Variants in DNAH10 observed in about 807,000 individuals in gnomAD.
The protein encoded by DNAH10 is dynein axonemal heavy chain 10, also known as axonemal beta dynein heavy chain 10.
DNAH10 carries 348 observed loss-of-function variants against 506.6 expected under a neutral mutation model. The observed-to-expected ratio is 0.69, with a 90% CI of 0.63 to 0.75. The LOEUF (loss-of-function observed/expected upper bound fraction) is 0.75. Among genes scored for constraint, DNAH10 ranks in the 30% least tolerant of loss-of-function variants. The pLI is 0.00. For synonymous variants in DNAH10, 2,059 were observed against 2,198.6 expected (o/e 0.94, Z 1.78); for missense variants, 5,179 against 5,787.1 (o/e 0.89, Z 3.41).
At chr12:123,766,728 TG>T (rs531467923) in intron 1 of DNAH10, among the ~76,000 whole-genome samples, 54 of 152,282 alleles carry the variant, frequency 3.5e-4, no homozygotes, top group Middle Eastern at 3.4e-3. Context: ...CCACAGCCAG[TG>T]GTGGTGGATG....
Position 123,929,198 on chromosome 12 carries a change from G to C in DNAH10, c.12307-77G>C, listed in dbSNP as rs117011659. On this transcript the variant is annotated intron_variant, in intron 70 of 78. Transcript: ENST00000673944. ...CTCCGTAGAGAGGAAGGAAAGCGCA[G>C]TGCCTGCATTGTGCACACTCTTCCA... 12,007 of 1,431,698 alleles carry C rather than the reference G, an allele frequency of 8.4e-3. 89 individuals are homozygous for C. The highest frequency in any genetic ancestry group is 0.019 in the South Asian group (1,524 of 81,172). The allele number at this position is 1,431,698 out of a possible 1,614,324, so 88.7% of individuals were successfully genotyped here. A position where few individuals can be genotyped will look rare whatever the true frequency, so the allele number is the denominator to read the frequency against.
At chr12:123,797,574 G>T (rs966639448) in intron 13 of DNAH10, among the ~76,000 whole-genome samples, 8 of 151,806 alleles carry the variant, frequency 5.3e-5, no homozygotes, top group Non-Finnish European at 1.0e-4. Flanking sequence ...TGTATTTTTT[G>T]TAGAGATGAG....
Position 123,913,364 on chromosome 12 carries a change from A to T in DNAH10, c.10352+49A>T. 2.0e-6 allele frequency: 3 copies of T among 1,501,522 alleles called. No individual in the cohort carries two copies. Among genetic ancestry groups the T allele is most frequent in the Non-Finnish European group, 2.7e-6 (3 of 1,119,798 alleles). 93.0% of individuals were successfully genotyped at this position (1,501,522 alleles called of 1,614,324 possible). A position where few individuals can be genotyped will look rare whatever the true frequency, so the allele number is the denominator to read the frequency against. The stretch of plus-strand genomic sequence containing the variant: ...CTGTTGCGGTTTGTAAACGGACGTC[A>T]CCCACAGAGTTTCTCGCCATGTTGA... On this transcript the variant is annotated intron_variant, in intron 60 of 78. Coordinates refer to ENST00000673944, the MANE Select transcript of DNAH10 (RefSeq NM_001372106.1). This position sits in a 1 kb window ranked among gnomAD's most constrained non-coding sequence, Gnocchi z 5.1.
intron 39 of DNAH10, among the ~76,000 whole-genome samples, chr12:123,863,341 C>T (rs1288506792): frequency 6.6e-6 from 1 of 152,172 alleles, no homozygotes; most frequent in Non-Finnish European, 1.5e-5. Flanking sequence ...CTCAGATGCT[C>T]CCAGGGACCC....
rs1196905738 is a variant in DNAH10, at chr12:123,917,484, G to A, written c.11003-100G>A. 5.6e-6 allele frequency: 7 copies of A among 1,257,406 alleles called. No homozygotes were observed. 77.9% of individuals were successfully genotyped at this position (1,257,406 alleles called of 1,614,324 possible). ...TGAATCCTCGTGCCTCTGGCCTGCT[G>A]GCTGAGACCCGCGCTAAGCTTGTCC... is the stretch of plus-strand genomic sequence containing the variant. On this transcript the variant is annotated intron_variant, in intron 63 of 78. Transcript: ENST00000673944. The surrounding 1 kb of genome is among the most constrained non-coding windows in gnomAD (Gnocchi z 5.6).
At chr12:123,899,428 C>T (rs1210418814) in intron 56 of DNAH10, among the ~76,000 whole-genome samples, 1 of 152,166 alleles carries the variant, frequency 6.6e-6, no homozygotes, top group African/African-American at 2.4e-5. Flanking sequence ...GCAGATGCCG[C>T]TCAACCTGCC....
intron 1 of DNAH10, among the ~76,000 whole-genome samples, chr12:123,765,940 AATCT>A (rs1957028093): frequency 6.6e-6 from 1 of 151,508 alleles, no homozygotes; most frequent in African/African-American, 2.4e-5. Flanking sequence ...CCAACTGACC[AATCT>A]GTGTGTCTGT....
At position 123,864,710 on chromosome 12, in the gene DNAH10, C is replaced by T. The variant is rs777057838; in HGVS notation, c.7024C>T (p.His2342Tyr). The T allele has an allele frequency of 5.0e-6, 8 of 1,613,866 alleles. No individual in the cohort carries two copies. The Admixed American group carries it at 1.3e-4, about 27-fold the overall frequency. ...CGGGGAACGCATCCGGCTCCAAGCA[C>T]ACTGTGCCCTGCTCTTTGAGGCAAG... ...ANGERIRLQA[H>Y]CALLFEVGDL... The change falls in exon 40 of 79, where the codon CAC (histidine) becomes TAC (tyrosine). Residue 2342 changes from histidine (H) to tyrosine (Y), a missense_variant. His to Tyr is a moderately conservative substitution (Grantham distance 83). Around this residue, in one of 3 missense-constraint regions of DNAH10, gnomAD observed 4,844 missense variants for 5,430.5 expected, o/e 0.89. Coordinates refer to ENST00000673944, the MANE Select transcript of DNAH10 (RefSeq NM_001372106.1).
rs1370331862 is a variant in DNAH10, at chr12:123,848,074, T to C, written c.5928T>C (p.Cys1976=). 8 of 1,613,792 alleles carry C rather than the reference T, an allele frequency of 5.0e-6. No homozygotes were observed. The highest frequency in any genetic ancestry group is 6.8e-6 in the Non-Finnish European group (8 of 1,179,750). ...ALGLLCVVTN[C]GEGMDYRAVG... ...GCTTGCTCTGTGTTGTCACCAACTG[T>C]GGCGAAGGCATGGATTACAGGGTAA... The change falls in exon 33 of 79, where the codon TGT becomes TGC. Residue 1976 remains cysteine (C), a synonymous_variant. Coordinates refer to ENST00000673944, the MANE Select transcript of DNAH10 (RefSeq NM_001372106.1).
Position 123,783,533 on chromosome 12 carries a change from C to T in DNAH10, c.999+269C>T, listed in dbSNP as rs183296359. Among the ~76,000 whole-genome samples the T allele has an allele frequency of 2.0e-4, 30 of 152,316 alleles. No individual in the cohort carries two copies. The East Asian group carries it at 5.8e-3, about 29-fold the overall frequency. ...CAAAAACAGGAAACCCAACTCAAGT[C>T]GATCAACTAAGAAAGCAAATTCCTT... is the stretch of plus-strand genomic sequence containing the variant. On this transcript the variant is annotated intron_variant, in intron 7 of 78. Coordinates refer to ENST00000673944, the MANE Select transcript of DNAH10 (RefSeq NM_001372106.1).
intron 46 of DNAH10, among the ~76,000 whole-genome samples, chr12:123,874,650 T>G (rs11836598): frequency 9.7e-4 from 145 of 149,110 alleles, no homozygotes; most frequent in Non-Finnish European, 1.7e-3. Flanking sequence ...CAATGGATGG[T>G]CCAATCTGTC....
intron 11 of DNAH10, 137 bp downstream of exon 11, chr12:123,790,258 C>A: frequency 1.1e-6 from 1 of 874,016 alleles, no homozygotes; most frequent in Non-Finnish European, 1.7e-6. Flanking sequence ...TTATAAAAAA[C>A]AAAAACAATG....
rs543117767 is a variant in DNAH10, at chr12:123,881,748, G to T, written c.8758G>T (p.Val2920Phe). ...CATGGACCGCGGCCACGCCCTGCTG[G>T]TCGGGGTAGGGGGCTCAGGGAAGCA... ...IRMDRGHALL[V>F]GVGGSGKQSL... The change falls in exon 51 of 79, where the codon GTC (valine) becomes TTC (phenylalanine). Residue 2920 changes from valine to phenylalanine, a missense_variant. Val to Phe is a conservative substitution (Grantham distance 50). Coordinates refer to ENST00000673944, the MANE Select transcript of DNAH10 (RefSeq NM_001372106.1). 2.6e-6 allele frequency: 4 copies of T among 1,547,228 alleles called. No individual in the cohort carries two copies. Among genetic ancestry groups the T allele is most frequent in the East Asian group, 2.5e-5 (1 of 40,784 alleles).
chr12:123,889,904 C>T (rs1032301915), intron 52 of DNAH10, among the ~76,000 whole-genome samples: 3 of 152,176 alleles, frequency 2.0e-5, no homozygotes, highest in Non-Finnish European at 4.4e-5. Flanking sequence ...CTCTTTAGCT[C>T]GCTGGCTCTC....
intron 27 of DNAH10, among the ~76,000 whole-genome samples, chr12:123,833,784 C>A (rs1960831329): frequency 6.6e-6 from 1 of 150,966 alleles, no homozygotes; most frequent in African/African-American, 2.4e-5. Flanking sequence ...ATTTTTTTTT[C>A]TAGCTCATCT....
chr12:123,803,735 A>C lies in DNAH10; in HGVS notation c.2689A>C (p.Asn897His). 1 of 1,612,560 alleles carries C rather than the reference A, an allele frequency of 6.2e-7. No individual in the cohort carries two copies. ...FESLVHQIHK[N>H]ADDISSRLTL... ...GTCTCTCGTCCACCAGATTCATAAG[A>C]ATGCAGATGACATTTCTTCCAGGCT... Residue 897 changes from asparagine to histidine, a missense_variant, in exon 17 of 79, where the codon AAT (asparagine) becomes CAT (histidine). Transcript: ENST00000673944.
chr12:123,896,106 T>C, intron 54 of DNAH10, among the ~76,000 whole-genome samples: 1 of 54,336 alleles, frequency 1.8e-5, no homozygotes, highest in African/African-American at 5.5e-5. Context: ...CAGTGAGACT[T>C]TATCTCACAC....
chr12:123,806,644 C>T (rs1349426202), intron 18 of DNAH10, among the ~76,000 whole-genome samples: 1 of 152,108 alleles, frequency 6.6e-6, no homozygotes, highest in African/African-American at 2.4e-5. Context: ...CTAAGTTGAT[C>T]CTTTAAATAA....
chr12:123,799,165 T>G (rs531700274), intron 13 of DNAH10, 81 bp from the exon 14 acceptor site: 8 of 908,556 alleles, frequency 8.8e-6, no homozygotes, highest in Middle Eastern at 7.6e-4. Context: ...TATTTATAAT[T>G]TGTATAAATT....
Sources: allele counts gnomAD v4.1 joint callset (sites outside exome capture counted in the v4.1 genomes callset), GRCh38; gene constraint gnomAD v4.1.1; regional missense constraint gnomAD v4.1.1; non-coding constraint Gnocchi (gnomAD v3.1); transcripts MANE v1.5; gene names NCBI Gene and HGNC (gene_info 2026-07-23, HGNC 2026-07-21).